Variants in CREB5 observed in about 807,000 individuals in gnomAD.
CREB5 encodes the protein cAMP responsive element binding protein 5.
CREB5 carries 19 observed loss-of-function variants against 57.1 expected under a neutral mutation model. That is an observed-to-expected ratio of 0.33 (90% CI 0.23 to 0.49). The LOEUF (loss-of-function observed/expected upper bound fraction) is 0.49. CREB5 is among the 20% of genes least tolerant of loss of function. The pLI, the probability that CREB5 is intolerant of heterozygous loss-of-function variation, is 0.99. For synonymous variants in CREB5, 238 were observed against 238.3 expected, an observed-to-expected ratio of 1.00 and a Z score of 0.01; for missense variants, 579 against 671.6, an observed-to-expected ratio of 0.86 and a Z score of 1.52.
chr7:28,676,371 A>G (rs552971469), intron 5 of CREB5, among the ~76,000 whole-genome samples: 206 of 152,258 alleles, frequency 1.4e-3, no homozygotes, highest in African/African-American at 4.8e-3. Context: ...TGACAGTATT[A>G]ATATGACAAA....
chr7:28,770,299 A>G (rs906690606), intron 7 of CREB5, among the ~76,000 whole-genome samples: 2 of 152,198 alleles, frequency 1.3e-5, no homozygotes, highest in African/African-American at 2.4e-5. Flanking sequence ...TTGGGCATCT[A>G]TGAAAGCCTG....
chr7:28,610,214 C>T (rs1797329928), intron 5 of CREB5, among the ~76,000 whole-genome samples: 1 of 152,094 alleles, frequency 6.6e-6, no homozygotes, highest in Non-Finnish European at 1.5e-5. Context: ...TCTGCATCCC[C>T]CTCTGCCAGC....
intron 7 of CREB5, among the ~76,000 whole-genome samples, chr7:28,779,401 C>A (rs1359873629): frequency 6.6e-6 from 1 of 152,148 alleles, no homozygotes; most frequent in Non-Finnish European, 1.5e-5. Flanking sequence ...TTCTGCACAG[C>A]CCTTCTTAGA....
intron 1 of CREB5, among the ~76,000 whole-genome samples, chr7:28,328,817 A>G (rs934303805): frequency 2.6e-5 from 4 of 152,194 alleles, no homozygotes; most frequent in African/African-American, 9.6e-5. Context: ...GGCTGGCAAA[A>G]TTCAGCTATG....
chr7:28,515,943 T>C (rs1792930853), intron 4 of CREB5, among the ~76,000 whole-genome samples: 1 of 152,082 alleles, frequency 6.6e-6, no homozygotes, highest in Non-Finnish European at 1.5e-5. Flanking sequence ...TGGTGGCTTA[T>C]ACCTGAAATC....
chr7:28,579,670 G>A (rs1201251080), intron 5 of CREB5, among the ~76,000 whole-genome samples: 2 of 152,138 alleles, frequency 1.3e-5, no homozygotes, highest in African/African-American at 2.4e-5. Flanking sequence ...TTGGTCCAGC[G>A]ATGGTAATTC....
chr7:28,541,086 A>G (rs191686232), intron 4 of CREB5, among the ~76,000 whole-genome samples: 22 of 152,380 alleles, frequency 1.4e-4, no homozygotes, highest in Admixed American at 1.4e-3. Flanking sequence ...ATAATGCGTA[A>G]ATGAATAAAA....
intron 1 of CREB5, among the ~76,000 whole-genome samples, chr7:28,400,699 A>G (rs967564829): frequency 6.6e-6 from 1 of 152,198 alleles, no homozygotes; most frequent in Admixed American, 6.5e-5. Context: ...TCATGTAAGA[A>G]CGAGGAGGAA....
chr7:28,520,978 T>C (rs558943433), intron 4 of CREB5, among the ~76,000 whole-genome samples: 1 of 152,370 alleles, frequency 6.6e-6, no homozygotes, highest in African/African-American at 2.4e-5. Context: ...ACAGGGTTTT[T>C]TTCTCCTGTG....
At chr7:28,382,606 C>T (rs115084813) in intron 1 of CREB5, among the ~76,000 whole-genome samples, 288 of 152,134 alleles carry the variant, frequency 1.9e-3, no homozygotes, top group African/African-American at 6.4e-3. Context: ...ATCTTTCAAT[C>T]ATCTCCTCCT....
At position 28,790,440 on chromosome 7, in the gene CREB5, GAGAGAGAGAGAGAGAGAGAGAT is replaced by G. The variant is rs1396989282; in HGVS notation, c.703-13745_703-13724del. 9.0e-3 allele frequency among the ~76,000 whole-genome samples: 618 copies of G among 68,410 alleles called. 3 individuals carry two copies. Among genetic ancestry groups the G allele is most frequent in the African/African-American group, 0.037 (540 of 14,746 alleles). The allele number at this position is 68,410 out of a possible 152,430, so 44.9% of individuals were successfully genotyped here. On this transcript the variant is annotated intron_variant, in intron 7 of 10. Transcript: ENST00000357727. ...GAAGAAAGAAAGAAAGAGAGAGAGA[GAGAGAGAGAGAGAGAGAGAGAT>G]AGAGAGAGAGAGAAAGAAAGAAAGA... is the stretch of plus-strand genomic sequence containing the variant.
chr7:28,560,887 C>T lies in CREB5; in HGVS notation c.292-9478C>T, dbSNP rs865929287. Among the ~76,000 whole-genome samples, 85 of 13,084 alleles carry T rather than the reference C, an allele frequency of 6.5e-3. 4 individuals carry two copies. Among genetic ancestry groups the T allele is most frequent in the East Asian group, 0.015 (3 of 206 alleles). The allele number at this position is 13,084 out of a possible 152,430, so 8.6% of individuals were successfully genotyped here. Reference sequence around the variant, plus strand: ...GTGCCTGCGTGCGCGTGCGTGCGTGCGTGTGTGTGCGTGCGCGCGTGCGTG... The same window carrying T: ...GTGCCTGCGTGCGCGTGCGTGCGTGTGTGTGTGTGCGTGCGCGCGTGCGTG... On this transcript the variant is annotated intron_variant, in intron 4 of 10. Coordinates refer to ENST00000357727, the MANE Select transcript of CREB5 (RefSeq NM_182898.4).
At chr7:28,436,977 C>CAAAGGAGA (rs1157657211) in intron 1 of CREB5, among the ~76,000 whole-genome samples, 5 of 152,090 alleles carry the variant, frequency 3.3e-5, no homozygotes, top group African/African-American at 1.2e-4. Context: ...GCTCTACTTT[C>CAAAGGAGA]CCCAGGTTTC....
At chr7:28,662,730 A>G (rs1799659899) in intron 5 of CREB5, among the ~76,000 whole-genome samples, 1 of 152,178 alleles carries the variant, frequency 6.6e-6, no homozygotes. Context: ...AGGATAAGAA[A>G]GGGCAAAAAA....
chr7:28,420,296 G>C (rs1788190095), intron 1 of CREB5, among the ~76,000 whole-genome samples: 1 of 152,074 alleles, frequency 6.6e-6, no homozygotes, highest in Non-Finnish European at 1.5e-5. Context: ...CACAAACGTG[G>C]TTGTATCTTT....
chr7:28,654,260 C>A (rs28750280), intron 5 of CREB5, among the ~76,000 whole-genome samples: 2 of 152,226 alleles, frequency 1.3e-5, no homozygotes, highest in African/African-American at 4.8e-5. Flanking sequence ...TCCCCCTCTT[C>A]TAGTTCTCAG....
intron 1 of CREB5, among the ~76,000 whole-genome samples, chr7:28,467,887 G>A (rs1790655101): frequency 6.6e-6 from 1 of 152,126 alleles, no homozygotes; most frequent in Non-Finnish European, 1.5e-5. Context: ...CAGGGAGATG[G>A]GTTACAGTTC....
At chr7:28,514,085 TTCA>T (rs1245569483) in intron 4 of CREB5, among the ~76,000 whole-genome samples, 1 of 152,224 alleles carries the variant, frequency 6.6e-6, no homozygotes, top group East Asian at 1.9e-4. Context: ...CAGATATTTG[TTCA>T]TCATCTCCCT....
At chr7:28,818,939 A>C (rs756287573) in intron 10 of CREB5, 177 bp from the exon 11 acceptor site, 1 of 687,578 alleles carries the variant, frequency 1.5e-6, no homozygotes, top group Non-Finnish European at 2.4e-6. Flanking sequence ...AAGGCATAGC[A>C]TTGTGACAAC....
Sources: allele counts gnomAD v4.1 joint callset (sites outside exome capture counted in the v4.1 genomes callset), GRCh38; gene constraint gnomAD v4.1.1; transcripts MANE v1.5; gene names NCBI Gene and HGNC (gene_info 2026-07-23, HGNC 2026-07-21).